The following ROBO2 variants were observed in gnomAD, a reference collection of about 807,000 sequenced individuals.
The protein encoded by ROBO2 is roundabout homolog 2.
In ROBO2, 53 loss-of-function variants were observed where a neutral mutation model predicts 160.8. That is an observed-to-expected ratio of 0.33 (90% CI 0.26 to 0.41). The LOEUF (loss-of-function observed/expected upper bound fraction) is 0.41. Ranked by LOEUF, ROBO2 falls within the 10% of genes least tolerant of loss-of-function variation. The pLI is 1.00. For missense variants in ROBO2, 1,577 were observed against 1,722.4 expected (o/e 0.92, Z 1.49); for synonymous variants, 664 against 611.7 (o/e 1.09, Z -1.26).
At chr3:77,498,565 C>A (rs2087105790) in intron 5 of ROBO2, among the ~76,000 whole-genome samples, 1 of 151,004 alleles carries the variant, frequency 6.6e-6, no homozygotes, top group Admixed American at 6.6e-5. Context: ...TGCATAAGCA[C>A]ATGATTCTTT....
At chr3:75,909,754 T>C (rs1318706742) in intron 1 of ROBO2, among the ~76,000 whole-genome samples, 3 of 152,216 alleles carry the variant, frequency 2.0e-5, no homozygotes, top group Admixed American at 1.3e-4. Context: ...AACAATGCCC[T>C]ATATTTCTTC....
rs188941971 is a variant in ROBO2 at position 76,177,947 on chromosome 3, C to G, written c.109+240345C>G. 2.6e-5 allele frequency among the ~76,000 whole-genome samples: 4 copies of G among 152,248 alleles called. No individual in the cohort carries two copies. In the East Asian group the frequency reaches 7.8e-4, roughly 30 times the overall value. On this transcript the variant is annotated intron_variant, in intron 2 of 26. Transcript: ENST00000487694. ...TTCTGGGTAATTTGGCACATTTCTA[C>G]TTTGTTGTGCTACGTCTAAAGGTAT...
At chr3:76,596,037 A>G (rs1254765587) in intron 2 of ROBO2, among the ~76,000 whole-genome samples, 2 of 152,158 alleles carry the variant, frequency 1.3e-5, no homozygotes, top group Non-Finnish European at 2.9e-5. Flanking sequence ...AGATCTGGCA[A>G]TGAATGTTTA....
intron 24 of ROBO2, among the ~76,000 whole-genome samples, chr3:77,638,818 C>CTTTTTTTTTTTT (rs34034420): frequency 3.9e-5 from 2 of 51,270 alleles, no homozygotes; most frequent in African/African-American, 1.6e-4. Flanking sequence ...TTTCACCTAG[C>CTTTTTTTTTTTT]TTTTTTTTTT....
intron 4 of ROBO2, among the ~76,000 whole-genome samples, chr3:77,491,241 C>G (rs1161839166): frequency 6.6e-6 from 1 of 152,160 alleles, no homozygotes; most frequent in African/African-American, 2.4e-5. Context: ...AAAGACTTCT[C>G]TAGCTTGTTC....
chr3:77,268,756 A>C (rs1580515213), intron 2 of ROBO2, among the ~76,000 whole-genome samples: 1 of 152,178 alleles, frequency 6.6e-6, no homozygotes, highest in Admixed American at 6.5e-5. Context: ...TTGCTAAACT[A>C]AAGTTGAATT....
At chr3:77,573,321 T>C (rs983907470) in intron 13 of ROBO2, among the ~76,000 whole-genome samples, 3 of 152,058 alleles carry the variant, frequency 2.0e-5, no homozygotes, top group Non-Finnish European at 4.4e-5. Context: ...AAAATAAATG[T>C]ATACAGAGAA....
At chr3:76,519,884 T>C (rs35750876) in intron 2 of ROBO2, among the ~76,000 whole-genome samples, 10,312 of 152,228 alleles carry the variant, frequency 0.068, 476 homozygotes, top group Non-Finnish European at 0.11. Flanking sequence ...ACAAGATCCA[T>C]GCAACTTGAA....
At chr3:77,202,440 G>A (rs1223668131) in intron 2 of ROBO2, among the ~76,000 whole-genome samples, 1 of 152,156 alleles carries the variant, frequency 6.6e-6, no homozygotes, top group Non-Finnish European at 1.5e-5. Context: ...ACAACTACTA[G>A]TGTTTTTAAT....
chr3:77,590,938 C>T (rs766248246), intron 17 of ROBO2, among the ~76,000 whole-genome samples: 2 of 152,034 alleles, frequency 1.3e-5, no homozygotes, highest in African/African-American at 4.8e-5. Context: ...GAACTGCTAA[C>T]TCAGAAGGTG....
chr3:76,379,177 T>G (rs1365416405), intron 2 of ROBO2, among the ~76,000 whole-genome samples: 1 of 152,200 alleles, frequency 6.6e-6, no homozygotes, highest in East Asian at 1.9e-4. Context: ...CAGGATAATT[T>G]GGAATATTAA....
At chr3:76,195,347 C>A (rs374309055) in intron 2 of ROBO2, among the ~76,000 whole-genome samples, 1 of 152,274 alleles carries the variant, frequency 6.6e-6, no homozygotes, top group African/African-American at 2.4e-5. Context: ...CCATGAGGAA[C>A]TCACAGATCA....
At chr3:76,564,137 C>A (rs1196951471) in intron 2 of ROBO2, among the ~76,000 whole-genome samples, 1 of 152,170 alleles carries the variant, frequency 6.6e-6, no homozygotes, top group Non-Finnish European at 1.5e-5. Context: ...ACCTGGGAGG[C>A]GGAAGTTGCA....
intron 2 of ROBO2, among the ~76,000 whole-genome samples, chr3:77,284,336 G>T (rs1410880023): frequency 6.6e-6 from 1 of 152,104 alleles, no homozygotes; most frequent in Admixed American, 6.6e-5. Context: ...CTGAGCATTA[G>T]GTTCCTCATC....
Position 77,610,274 on chromosome 3 carries a change from G to A in ROBO2, c.3293+2320G>A, listed in dbSNP as rs561245259. ...ATAATTTAGAACCTTCATAATTCAG[G>A]TTTAAGCTTTTCTTGGCATACAAAA... On this transcript the variant is annotated intron_variant, in intron 21 of 25. Transcript: ENST00000461745. 6.6e-5 allele frequency among the ~76,000 whole-genome samples: 10 copies of A among 152,028 alleles called. No individual in the cohort carries two copies. The South Asian group carries it at 1.5e-3, about 22-fold the overall frequency.
intron 2 of ROBO2, among the ~76,000 whole-genome samples, chr3:75,956,499 T>C (rs1366621501): frequency 6.6e-6 from 1 of 151,746 alleles, no homozygotes; most frequent in African/African-American, 2.4e-5. Context: ...ATCATTACTT[T>C]ACCATTACCT....
At chr3:76,526,082 C>T (rs923776706) in intron 2 of ROBO2, among the ~76,000 whole-genome samples, 2 of 151,834 alleles carry the variant, frequency 1.3e-5, no homozygotes, top group Non-Finnish European at 2.9e-5. Flanking sequence ...GCTGAGTTCC[C>T]ACATAGACTT....
At chr3:76,597,423 T>G (rs2108894551) in intron 2 of ROBO2, among the ~76,000 whole-genome samples, 1 of 151,142 alleles carries the variant, frequency 6.6e-6, no homozygotes, top group South Asian at 2.1e-4. Flanking sequence ...TAAAACAAAC[T>G]AAAAAACAAA....
intron 24 of ROBO2, among the ~76,000 whole-genome samples, 151 bp downstream of exon 26, chr3:77,643,094 A>G (rs2095371289): frequency 6.6e-6 from 1 of 152,222 alleles, no homozygotes; most frequent in African/African-American, 2.4e-5. Flanking sequence ...TTTTACCAGT[A>G]CATGCCTTAA....
Sources: gnomAD v4.1 joint callset for allele counts (sites outside exome capture counted in the v4.1 genomes callset) on GRCh38, gnomAD v4.1.1 for gene constraint, MANE v1.5 for transcripts, NCBI Gene and HGNC (gene_info 2026-07-23, HGNC 2026-07-21) for gene names.